FIG4: variants seen among roughly 807,000 people sequenced by gnomAD.
FIG4 encodes polyphosphoinositide phosphatase.
FIG4 carries 112 observed loss-of-function variants against 118.6 expected under a neutral mutation model. That is an observed-to-expected ratio of 0.94 (90% CI 0.81 to 1.11). The LOEUF (loss-of-function observed/expected upper bound fraction) is 1.11. Among genes scored for constraint, FIG4 ranks in the 50% least tolerant of loss-of-function variants. The pLI is 0.00. For synonymous variants in FIG4, 369 were observed against 381.2 expected (o/e 0.97, Z 0.37); for missense variants, 969 against 1,111.7 (o/e 0.87, Z 1.83).
intron 20 of FIG4, among the ~76,000 whole-genome samples, chr6:109,792,107 TTC>T (rs1778152463): frequency 6.6e-6 from 1 of 152,268 alleles, no homozygotes; most frequent in Non-Finnish European, 1.5e-5. Flanking sequence ...TAAATCCATG[TTC>T]CAGAAGTTGG....
At chr6:109,722,079 T>G (rs1247164327) in intron 3 of FIG4, among the ~76,000 whole-genome samples, 1 of 152,170 alleles carries the variant, frequency 6.6e-6, no homozygotes, top group African/African-American at 2.4e-5. Flanking sequence ...GTGTGTGTGC[T>G]GCTTCTGAAA....
chr6:109,807,546 A>C lies in FIG4; in HGVS notation c.2546+10695A>C, dbSNP rs184252976. Among the ~76,000 whole-genome samples the C allele has an allele frequency of 6.4e-4, 98 of 152,224 alleles. 1 individual carries two copies. The East Asian group carries it at 0.017, about 26-fold the overall frequency. On this transcript the variant is annotated intron_variant, in intron 22 of 22. Transcript: ENST00000230124. Reference sequence around the variant, plus strand: ...GGATAGATTGCAAAACTTTTCTCCCATTCTGTAGGTTGCCTGTTCACTCTG... The same window carrying C: ...GGATAGATTGCAAAACTTTTCTCCCCTTCTGTAGGTTGCCTGTTCACTCTG...
Position 109,727,133 on chromosome 6 carries a change from A to G in FIG4, c.314A>G (p.Tyr105Cys), listed in dbSNP as rs900855246. Residue 105 changes from tyrosine to cysteine, a missense_variant, in exon 4 of 23, where the codon TAT becomes TGT. Tyr to Cys is a radical substitution (Grantham distance 194). Transcript: ENST00000230124. ...VVGFVRFLEG[Y>C]YIVLITKRRK... ...GGTTTTGTCAGGTTCTTAGAAGGCT[A>G]TTATATTGTGTTAATAACTAAAAGG... 2.5e-6 allele frequency: 4 copies of G among 1,611,170 alleles called. No homozygotes were observed. Among genetic ancestry groups the G allele is most frequent in the Admixed American group, 1.7e-5 (1 of 59,968 alleles).
chr6:109,751,061 G>A (rs913052673), intron 10 of FIG4, among the ~76,000 whole-genome samples: 16 of 152,078 alleles, frequency 1.1e-4, no homozygotes, highest in African/African-American at 3.4e-4. Flanking sequence ...TGTTTCTACA[G>A]TAGTTATCTC....
rs528780746 is a variant in FIG4, at chr6:109,751,842, T to A, written c.1137+8070T>A. 2.4e-4 allele frequency among the ~76,000 whole-genome samples: 36 copies of A among 151,726 alleles called. No individual in the cohort carries two copies. The South Asian group carries it at 6.4e-3, about 27-fold the overall frequency. On this transcript the variant is annotated intron_variant, in intron 10 of 22. Transcript: ENST00000230124. ...TTTTTAAGTATTTTTTTTCTTTTTT[T>A]TTATTATTATTATACTTTAAGTTTT... is the stretch of plus-strand genomic sequence containing the variant.
At position 109,760,327 on chromosome 6, in the gene FIG4, G is replaced by T; in HGVS notation, c.1215G>T (p.Leu405Phe). 2 of 1,612,786 alleles carry T rather than the reference G, an allele frequency of 1.2e-6. No homozygotes were observed. The highest frequency in any genetic ancestry group is 1.7e-6 in the Non-Finnish European group (2 of 1,178,822). Residue 405 changes from leucine to phenylalanine, a missense_variant, in exon 11 of 23, where the codon TTG (leucine) becomes TTT (phenylalanine). Physicochemically the swap from Leu to Phe is conservative, Grantham distance 22. Transcript: ENST00000230124. ...VAAVTYLNQF[L>F]PPEHTIVYIP... ...CTGTGACCTATCTCAACCAATTTTT[G>T]CCTCCTGAGCACACTATTGTTTATA...
At chr6:109,739,720 G>T (rs1319604511) in intron 7 of FIG4, among the ~76,000 whole-genome samples, 1 of 152,174 alleles carries the variant, frequency 6.6e-6, no homozygotes, top group East Asian at 1.9e-4. Flanking sequence ...ACTTGGAACC[G>T]AAGTTACAGA....
At chr6:109,758,348 G>T (rs1197874087) in intron 10 of FIG4, among the ~76,000 whole-genome samples, 2 of 152,298 alleles carry the variant, frequency 1.3e-5, no homozygotes, top group South Asian at 2.1e-4. Flanking sequence ...ACAAAAGCAA[G>T]TAATGGGGAG....
intron 10 of FIG4, among the ~76,000 whole-genome samples, chr6:109,750,070 G>T (rs543691835): frequency 6.6e-6 from 1 of 152,138 alleles, no homozygotes; most frequent in African/African-American, 2.4e-5. Context: ...GATACCTAGG[G>T]GATACTCACT....
In FIG4 at chr6:109,760,377, C is replaced by A; in HGVS notation, c.1265C>A (p.Thr422Asn). The change falls in exon 11 of 23, where the codon ACC becomes AAC. Residue 422 changes from threonine (T) to asparagine (N), a missense_variant. By Grantham distance (65) the Thr-to-Asn change is moderately conservative. Coordinates refer to ENST00000230124, the MANE Select transcript of FIG4 (RefSeq NM_014845.6). ...ATTCCCTGGGACATGGCCAAGTATA[C>A]CAAAAGGTGAATGATACTCATCTGT... ...VYIPWDMAKY[T>N]KSKLCNVLDR... is the part of the protein sequence containing the mutation. 1.2e-6 allele frequency: 2 copies of A among 1,612,742 alleles called. No individual in the cohort carries two copies. The highest frequency in any genetic ancestry group is 1.7e-6 in the Non-Finnish European group (2 of 1,178,910).
chr6:109,816,437 A>G (rs369707169), intron 22 of FIG4, among the ~76,000 whole-genome samples: 1 of 152,230 alleles, frequency 6.6e-6, no homozygotes, highest in African/African-American at 2.4e-5. Flanking sequence ...ACTAAATGAA[A>G]TGTGTCCCAA....
intron 10 of FIG4, among the ~76,000 whole-genome samples, chr6:109,759,036 G>A (rs541749170): frequency 5.0e-4 from 76 of 152,190 alleles, no homozygotes; most frequent in Non-Finnish European, 9.0e-4. Context: ...GGAAGACAGT[G>A]TGGTGATTCC....
chr6:109,737,889 C>G (rs1365076206), intron 6 of FIG4, among the ~76,000 whole-genome samples: 1 of 152,020 alleles, frequency 6.6e-6, no homozygotes, highest in African/African-American at 2.4e-5. Context: ...TGCCGTGCTC[C>G]CTAAGTAACA....
At chr6:109,791,092 A>G (rs937477674) in intron 19 of FIG4, among the ~76,000 whole-genome samples, 3 of 152,234 alleles carry the variant, frequency 2.0e-5, no homozygotes, top group African/African-American at 7.2e-5. Context: ...ATCAGTTACC[A>G]AAGGAAGGCA....
At chr6:109,764,024 C>G in intron 13 of FIG4, 42 bp downstream of exon 13, 4 of 1,246,774 alleles carry the variant, frequency 3.2e-6, no homozygotes, top group Non-Finnish European at 3.5e-6. Flanking sequence ...GAATCTGTAT[C>G]CATTGTGTAC....
intron 10 of FIG4, 75 bp from the exon 11 acceptor site, chr6:109,760,175 A>G (rs759910955): frequency 2.8e-5 from 37 of 1,326,950 alleles, no homozygotes; most frequent in Non-Finnish European, 3.9e-5. Context: ...AGCTTAGCTT[A>G]AAAGTAAACA....
In FIG4 at chr6:109,732,670, T is replaced by A; in HGVS notation, c.480T>A (p.Ser160=). 1 of 1,528,768 alleles carries A rather than the reference T, an allele frequency of 6.5e-7. No individual in the cohort carries two copies. The highest frequency in any genetic ancestry group is 1.1e-5 in the South Asian group (1 of 89,446). 94.7% of individuals were successfully genotyped at this position (1,528,768 alleles called of 1,614,324 possible). Residue 160 remains serine, a synonymous_variant, in exon 5 of 23, where the codon TCT becomes TCA. Coordinates refer to ENST00000230124, the MANE Select transcript of FIG4 (RefSeq NM_014845.6). ...YLRIFQNVDL[S]SNFYFSYSYD... ...GAATATTTCAAAATGTGGACCTATC[T>A]AGCAATTTTTACTTTAGGTAAGTGT...
intron 10 of FIG4, among the ~76,000 whole-genome samples, chr6:109,758,109 T>G (rs1776978954): frequency 6.6e-6 from 1 of 151,520 alleles, no homozygotes; most frequent in African/African-American, 2.4e-5. Flanking sequence ...AGAAAAAACT[T>G]TAAATTTCAT....
chr6:109,787,518 A>G (rs1199011559), intron 18 of FIG4, among the ~76,000 whole-genome samples: 9 of 152,214 alleles, frequency 5.9e-5, no homozygotes, highest in Admixed American at 5.9e-4. Context: ...AAGATAAATG[A>G]CATTAGGTAT....
Sources: allele counts gnomAD v4.1 joint callset (sites outside exome capture counted in the v4.1 genomes callset), GRCh38; gene constraint gnomAD v4.1.1; transcripts MANE v1.5; gene names NCBI Gene and HGNC (gene_info 2026-07-23, HGNC 2026-07-21).